Variants in ACOT7 observed in about 807,000 individuals in gnomAD.
ACOT7 encodes the protein cytosolic acyl coenzyme A thioester hydrolase.
In ACOT7, 12 loss-of-function variants were observed where a neutral mutation model predicts 40.2. The ratio of observed to expected loss-of-function variants is 0.30; its 90% CI spans 0.19 to 0.48. The LOEUF is 0.48. Among genes scored for constraint, ACOT7 ranks in the 20% least tolerant of loss-of-function variants. ACOT7 has a pLI of 0.99. For missense variants in ACOT7, 395 were observed against 530.8 expected, an observed-to-expected ratio of 0.74 and a Z score of 2.51; for synonymous variants, 228 against 219.5, an observed-to-expected ratio of 1.04 and a Z score of -0.34.
chr1:6,387,628 GCAGGCTACA>G (rs1373093090), intron 1 of ACOT7, among the ~76,000 whole-genome samples: 2 of 152,202 alleles, frequency 1.3e-5, no homozygotes, highest in Non-Finnish European at 2.9e-5. Flanking sequence ...ACCCCCTGGT[GCAGGCTACA>G]CAGGCCAGGT....
At position 6,330,168 on chromosome 1, in the gene ACOT7, A is replaced by G. The variant is rs1640916981; in HGVS notation, c.511-2755T>C. ...AATATATATCTGTATATCTATACAT[A>G]CAGGGACGTACATTTTCCTAAATCG... On this transcript the variant is annotated intron_variant, in intron 4 of 8. Transcript: ENST00000361521. The surrounding 1 kb of genome is among the most constrained non-coding windows in gnomAD (Gnocchi z 4.6). Among the ~76,000 whole-genome samples, 1 of 152,236 alleles carries G rather than the reference A, an allele frequency of 6.6e-6. No homozygotes were observed. Among genetic ancestry groups the G allele is most frequent in the Admixed American group, 6.5e-5 (1 of 15,284 alleles).
rs1416333965 is a variant in ACOT7, at chr1:6,282,269, G to T, written c.830-983C>A. Among the ~76,000 whole-genome samples the T allele has an allele frequency of 1.3e-5, 2 of 152,196 alleles. No individual in the cohort carries two copies. Among genetic ancestry groups the T allele is most frequent in the Admixed American group, 1.3e-4 (2 of 15,282 alleles). On this transcript the variant is annotated intron_variant, in intron 7 of 8. Coordinates refer to ENST00000361521, the MANE Select transcript of ACOT7 (RefSeq NM_007274.4). The surrounding 1 kb of genome is among the most constrained non-coding windows in gnomAD (Gnocchi z 4.5). ...CCTATAGGCAGGCATGAGACACCCT[G>T]CCTGGGGGATAGCTACGGGATGGAA...
rs1640924371 is a variant in ACOT7, at chr1:6,330,434, T to C, written c.511-3021A>G. ...CTAGCGTGTGTTGGGGGGAAGATGG[T>C]GCAAAGAGCTCTGAACAACAGCTGC... On this transcript the variant is annotated intron_variant, in intron 4 of 8. Coordinates refer to ENST00000361521, the MANE Select transcript of ACOT7 (RefSeq NM_007274.4). The surrounding 1 kb of genome is among the most constrained non-coding windows in gnomAD (Gnocchi z 4.6). Among the ~76,000 whole-genome samples, 1 of 152,160 alleles carries C rather than the reference T, an allele frequency of 6.6e-6. No individual in the cohort carries two copies. The highest frequency in any genetic ancestry group is 1.5e-5 in the Non-Finnish European group (1 of 68,028).
At chr1:6,317,823 C>T (rs1339430927) in intron 6 of ACOT7, among the ~76,000 whole-genome samples, 7 of 151,718 alleles carry the variant, frequency 4.6e-5, no homozygotes, top group Non-Finnish European at 1.0e-4. Flanking sequence ...CCTCCGCCTC[C>T]CAGGTTCAAG....
At chr1:6,320,776 G>A (rs1413839847) in intron 5 of ACOT7, among the ~76,000 whole-genome samples, 2 of 152,160 alleles carry the variant, frequency 1.3e-5, no homozygotes, top group South Asian at 2.1e-4. Flanking sequence ...CTTTGCACAC[G>A]TGGAGCACCT....
At chr1:6,387,068 G>A (rs368530063) in intron 1 of ACOT7, among the ~76,000 whole-genome samples, 2 of 152,144 alleles carry the variant, frequency 1.3e-5, no homozygotes, top group African/African-American at 4.8e-5. Flanking sequence ...ACAGGGCTAC[G>A]GGGACACAGG....
intron 2 of ACOT7, among the ~76,000 whole-genome samples, chr1:6,340,428 T>C (rs1041098088): frequency 1.3e-5 from 2 of 152,178 alleles, no homozygotes; most frequent in African/African-American, 2.4e-5. Context: ...ATTTGCTTAA[T>C]ATAAAGTGAA....
chr1:6,358,288 A>C lies in ACOT7; in HGVS notation c.144-8422T>G, dbSNP rs1051401126. ...TGGGAGGAAGGGCTGTGCCAAGGAA[A>C]GTTCCAGCAGCACTTGCAGGCCCCC... On this transcript the variant is annotated intron_variant, in intron 1 of 8. Coordinates refer to ENST00000361521, the MANE Select transcript of ACOT7 (RefSeq NM_007274.4). This position sits in a 1 kb window ranked among gnomAD's most constrained non-coding sequence, Gnocchi z 4.1. Among the ~76,000 whole-genome samples, 1 of 152,092 alleles carries C rather than the reference A, an allele frequency of 6.6e-6. No individual in the cohort carries two copies. The highest frequency in any genetic ancestry group is 1.5e-5 in the Non-Finnish European group (1 of 68,010).
chr1:6,335,641 T>C (rs1334623633), intron 3 of ACOT7, among the ~76,000 whole-genome samples: 2 of 152,136 alleles, frequency 1.3e-5, no homozygotes, highest in African/African-American at 2.4e-5. Context: ...TTCCCACCAG[T>C]TACCTGAACC....
At chr1:6,375,428 G>T (rs1284933534) in intron 1 of ACOT7, among the ~76,000 whole-genome samples, 1 of 152,126 alleles carries the variant, frequency 6.6e-6, no homozygotes, top group African/African-American at 2.4e-5. Flanking sequence ...AGCACTTTGG[G>T]AGGTAGACGC....
rs537124525 is a variant in ACOT7 at position 6,294,604 on chromosome 1, G to A, written c.829+260C>T. 6.6e-5 allele frequency among the ~76,000 whole-genome samples: 10 copies of A among 152,360 alleles called. No individual in the cohort carries two copies. The East Asian group carries it at 1.5e-3, about 23-fold the overall frequency. On this transcript the variant is annotated intron_variant, in intron 7 of 8. Transcript: ENST00000361521. The surrounding 1 kb of genome is among the most constrained non-coding windows in gnomAD (Gnocchi z 4.6). ...CTTCCCAGAGCTCTGTCTGTGGAGC[G>A]TTTTCAGAGGGTGAGTTTAGGCAGG...
At position 6,355,015 on chromosome 1, in the gene ACOT7, T is replaced by C. The variant is rs2148460700; in HGVS notation, c.144-5149A>G. Among the ~76,000 whole-genome samples, 1 of 152,198 alleles carries C rather than the reference T, an allele frequency of 6.6e-6. No individual in the cohort carries two copies. The highest frequency in any genetic ancestry group is 2.1e-4 in the South Asian group (1 of 4,814). ...AGACTCAATCTCCTAGTAAGGCATC[T>C]GGAGCTCTCAGGGATTGGGAACTTT... On this transcript the variant is annotated intron_variant, in intron 1 of 8. Coordinates refer to ENST00000361521, the MANE Select transcript of ACOT7 (RefSeq NM_007274.4). This position sits in a 1 kb window ranked among gnomAD's most constrained non-coding sequence, Gnocchi z 5.0.
chr1:6,388,910 G>A (rs1266273172), intron 1 of ACOT7, among the ~76,000 whole-genome samples: 4 of 151,780 alleles, frequency 2.6e-5, no homozygotes, highest in South Asian at 2.1e-4. Context: ...GTGTGGTGGC[G>A]GATGCCTGTA....
intron 1 of ACOT7, among the ~76,000 whole-genome samples, chr1:6,374,380 C>A (rs1197297274): frequency 1.3e-5 from 2 of 152,272 alleles, no homozygotes; most frequent in South Asian, 2.1e-4. Flanking sequence ...GCCCTAAGTA[C>A]TTCCAGAGTA....
At chr1:6,361,089 C>T (rs1641883250) in intron 1 of ACOT7, among the ~76,000 whole-genome samples, 1 of 152,158 alleles carries the variant, frequency 6.6e-6, no homozygotes, top group African/African-American at 2.4e-5. Context: ...ACCCGGTGTC[C>T]ACCACGGATG....
At chr1:6,390,085 C>T (rs1642508970) in intron 1 of ACOT7, among the ~76,000 whole-genome samples, 1 of 152,172 alleles carries the variant, frequency 6.6e-6, no homozygotes, top group South Asian at 2.1e-4. Flanking sequence ...AGTCACTCTC[C>T]AGTGTCCTGC....
At chr1:6,343,885 T>C (rs1320790318) in intron 2 of ACOT7, among the ~76,000 whole-genome samples, 1 of 152,182 alleles carries the variant, frequency 6.6e-6, no homozygotes, top group Non-Finnish European at 1.5e-5. Flanking sequence ...GCAGCATCTG[T>C]GGGGCCTCTC....
Position 6,274,186 on chromosome 1 carries a change from G to C in ACOT7, c.1014+6916C>G, listed in dbSNP as rs1331083740. Among the ~76,000 whole-genome samples the C allele has an allele frequency of 6.6e-6, 1 of 152,180 alleles. No individual in the cohort carries two copies. The highest frequency in any genetic ancestry group is 1.5e-5 in the Non-Finnish European group (1 of 68,008). Reference sequence around the variant, plus strand: ...CCCATGCTTCCTCCTAAGTGCAAAGGGGCGAGGGACCTTCCAATTACAGCA... The same window carrying C: ...CCCATGCTTCCTCCTAAGTGCAAAGCGGCGAGGGACCTTCCAATTACAGCA... On this transcript the variant is annotated intron_variant, in intron 8 of 8. Transcript: ENST00000361521. This position sits in a 1 kb window ranked among gnomAD's most constrained non-coding sequence, Gnocchi z 5.9.
At chr1:6,300,674 C>A (rs144358987) in intron 6 of ACOT7, among the ~76,000 whole-genome samples, 4,776 of 146,832 alleles carry the variant, frequency 0.033, 111 homozygotes, top group South Asian at 0.051. Context: ...CGGACCCCAC[C>A]CGATCCTGAT....
Sources: gnomAD v4.1 joint callset for allele counts (sites outside exome capture counted in the v4.1 genomes callset) on GRCh38, gnomAD v4.1.1 for gene constraint, Gnocchi (gnomAD v3.1) non-coding constraint, MANE v1.5 for transcripts, NCBI Gene and HGNC (gene_info 2026-07-23, HGNC 2026-07-21) for gene names.